PDLIM3: variants seen among roughly 807,000 people sequenced by gnomAD.
PDLIM3 encodes the protein PDZ and LIM domain protein 3.
A neutral mutation model predicts 37.3 loss-of-function variants in PDLIM3; 36 were observed. The ratio of observed to expected loss-of-function variants is 0.97; its 90% CI spans 0.74 to 1.28. PDLIM3 has a LOEUF of 1.28. PDLIM3 is among the 50% of genes most tolerant of loss of function. The probability of loss-of-function intolerance (pLI) is 0.00; values close to 1 mark genes in which losing one functional copy is unlikely to be tolerated. For missense variants in PDLIM3, 454 were observed against 485.0 expected (o/e 0.94, Z 0.60); for synonymous variants, 174 against 182.4 (o/e 0.95, Z 0.37).
At chr4:185,509,416 C>A (rs2095703181) in intron 4 of PDLIM3, among the ~76,000 whole-genome samples, 1 of 152,120 alleles carries the variant, frequency 6.6e-6, no homozygotes, top group Non-Finnish European at 1.5e-5. Flanking sequence ...AGGCATATTT[C>A]CCTTTTCCTT....
chr4:185,525,058 A>G lies in PDLIM3; in HGVS notation c.207T>C (p.Ile69=), dbSNP rs1440352899. 6.2e-7 allele frequency: 1 copy of G among 1,614,158 alleles called. No individual in the cohort carries two copies. The highest frequency in any genetic ancestry group is 2.2e-5 in the East Asian group (1 of 44,882). ...SMTHADAQDR[I]KAAAHQLCLK... ...GACACAGCTGGTGAGCTGCTGCTTT[A>G]ATCCTGTCCTGCGCATCAGCATGAG... Residue 69 remains isoleucine (I), a synonymous_variant, in exon 2 of 8, where the codon ATT becomes ATC. Coordinates refer to ENST00000284767, the MANE Select transcript of PDLIM3 (RefSeq NM_014476.6).
chr4:185,510,024 T>G (rs2095704143), intron 4 of PDLIM3, among the ~76,000 whole-genome samples: 1 of 152,198 alleles, frequency 6.6e-6, no homozygotes, highest in Admixed American at 6.5e-5. Flanking sequence ...TGAGAACCTA[T>G]TGAAAACCCA....
chr4:185,514,691 C>G lies in PDLIM3; in HGVS notation c.331-354G>C. On this transcript the variant is annotated intron_variant, in intron 3 of 7. Transcript: ENST00000284767. This position sits in a 1 kb window ranked among gnomAD's most constrained non-coding sequence, Gnocchi z 4.0. ...TAGGTACACTGTGGCCAGAACAGAG[C>G]CGGATACTTACTTTTGAGGTGAGCT... The G allele has an allele frequency of 1.3e-6, 2 of 1,550,526 alleles. No individual in the cohort carries two copies. Among genetic ancestry groups the G allele is most frequent in the Admixed American group, 3.9e-5 (2 of 50,924 alleles).
At position 185,514,078 on chromosome 4, in the gene PDLIM3, T is replaced by C; in HGVS notation, c.398+192A>G. ...TTTCACAGCTCTGTCATCTTGTCAA[T>C]ATTTACTCTTGGAAATGCAAGTTAT... On this transcript the variant is annotated intron_variant, in intron 4 of 7. Coordinates refer to ENST00000284767, the MANE Select transcript of PDLIM3 (RefSeq NM_014476.6). The surrounding 1 kb of genome is among the most constrained non-coding windows in gnomAD (Gnocchi z 4.0). 8.1e-6 allele frequency: 12 copies of C among 1,482,844 alleles called. No homozygotes were observed. The highest frequency in any genetic ancestry group is 1.1e-5 in the Non-Finnish European group (12 of 1,121,100). The allele number at this position is 1,482,844 out of a possible 1,614,324, so 91.9% of individuals were successfully genotyped here.
chr4:185,528,974 C>G (rs1475731427), intron 1 of PDLIM3, among the ~76,000 whole-genome samples: 1 of 152,142 alleles, frequency 6.6e-6, no homozygotes, highest in African/African-American at 2.4e-5. Context: ...TTAGCATGCA[C>G]AGTTTATTAC....
At chr4:185,526,220 G>T (rs1442779714) in intron 1 of PDLIM3, among the ~76,000 whole-genome samples, 1 of 152,230 alleles carries the variant, frequency 6.6e-6, no homozygotes, top group Non-Finnish European at 1.5e-5. Flanking sequence ...GAGTTAACAT[G>T]AGCGTACAGA....
At position 185,502,120 on chromosome 4, in the gene PDLIM3, C is replaced by T; in HGVS notation, c.*174G>A. The T allele has an allele frequency of 1.4e-6, 1 of 694,284 alleles. No individual in the cohort carries two copies. Among genetic ancestry groups the T allele is most frequent in the Non-Finnish European group, 2.6e-6 (1 of 391,672 alleles). The allele number at this position is 694,284 out of a possible 1,614,324, so 43.0% of individuals were successfully genotyped here. On this transcript the variant is annotated 3_prime_UTR_variant, in exon 8 of 8. Coordinates refer to ENST00000284767, the MANE Select transcript of PDLIM3 (RefSeq NM_014476.6). ...CTAAGTGTATGTTTTTTTCACATAG[C>T]AGGCATTTGCCTCCCATTCCTTTTC...
rs2095711617 is a variant in PDLIM3 at position 185,514,463 on chromosome 4, C to T, written c.331-126G>A. 1.3e-6 allele frequency: 2 copies of T among 1,568,202 alleles called. No homozygotes were observed. The highest frequency in any genetic ancestry group is 8.7e-7 in the Non-Finnish European group (1 of 1,147,144). Reference sequence around the variant, plus strand: ...CAACTACTGTCATAACTAAGAAAGGCGATGACGGGACCAGGACGATGTCTT... The same window carrying T: ...CAACTACTGTCATAACTAAGAAAGGTGATGACGGGACCAGGACGATGTCTT... On this transcript the variant is annotated intron_variant, in intron 3 of 7. Transcript: ENST00000284767. The surrounding 1 kb of genome is among the most constrained non-coding windows in gnomAD (Gnocchi z 4.0).
chr4:185,523,983 T>C (rs1477623672), intron 2 of PDLIM3, among the ~76,000 whole-genome samples: 4 of 150,790 alleles, frequency 2.7e-5, no homozygotes, highest in Non-Finnish European at 4.4e-5. Flanking sequence ...TGGAGTACAC[T>C]GCACAGTTTC....
chr4:185,518,448 CATAT>C (rs1196815124), intron 3 of PDLIM3, among the ~76,000 whole-genome samples: 1 of 151,438 alleles, frequency 6.6e-6, no homozygotes, highest in African/African-American at 2.4e-5. Context: ...TATGTATACA[CATAT>C]ATATTTATAT....
Position 185,508,508 on chromosome 4 carries a change from A to G in PDLIM3, c.453T>C (p.Ser151=), listed in dbSNP as rs746673857. 6.2e-7 allele frequency: 1 copy of G among 1,614,210 alleles called. No individual in the cohort carries two copies. ...IDCGSGRSTP[S]SVSTVSTICP... is the part of the protein sequence containing the mutation. ...AAATGGTACTAACAGTACTGACAGA[A>G]GAAGGGGTGCTGCGTCCACTGCCAC... Residue 151 remains serine, a synonymous_variant, in exon 5 of 8, where the codon TCT becomes TCC. Transcript: ENST00000284767.
At chr4:185,532,075 G>A (rs1471668594) in intron 1 of PDLIM3, among the ~76,000 whole-genome samples, 1 of 152,188 alleles carries the variant, frequency 6.6e-6, no homozygotes, top group Non-Finnish European at 1.5e-5. Context: ...TCCAGCCTGG[G>A]AGACAGAGCG....
chr4:185,532,520 G>A (rs1254465629), intron 1 of PDLIM3, among the ~76,000 whole-genome samples: 1 of 152,160 alleles, frequency 6.6e-6, no homozygotes, highest in African/African-American at 2.4e-5. Flanking sequence ...GTGGTGTGGG[G>A]AAAAATGGTA....
chr4:185,526,869 C>T (rs2095735166), intron 1 of PDLIM3, among the ~76,000 whole-genome samples: 1 of 152,218 alleles, frequency 6.6e-6, no homozygotes, highest in South Asian at 2.1e-4. Flanking sequence ...AAATGCTGCA[C>T]TCTCAGAAAG....
rs1047184213 is a variant in PDLIM3 at position 185,504,025 on chromosome 4, T to C, written c.905+450A>G. 2.1e-5 allele frequency among the ~76,000 whole-genome samples: 3 copies of C among 140,564 alleles called. No individual in the cohort carries two copies. The highest frequency in any genetic ancestry group is 7.4e-5 in the Admixed American group (1 of 13,522). The allele number at this position is 140,564 out of a possible 152,430, so 92.2% of individuals were successfully genotyped here. A position where few individuals can be genotyped will look rare whatever the true frequency, so the allele number is the denominator to read the frequency against. ...GTTTCAACATTTGTGTAACTTACACTGGGTAAGGATAATGTATTTTAAGTA... is the reference window on the plus strand; with the variant it reads ...GTTTCAACATTTGTGTAACTTACACCGGGTAAGGATAATGTATTTTAAGTA... On this transcript the variant is annotated intron_variant, in intron 7 of 7. Coordinates refer to ENST00000284767, the MANE Select transcript of PDLIM3 (RefSeq NM_014476.6). This position sits in a 1 kb window ranked among gnomAD's most constrained non-coding sequence, Gnocchi z 4.7.
chr4:185,525,191 T>A lies in PDLIM3; in HGVS notation c.94-20A>T. 6.2e-7 allele frequency: 1 copy of A among 1,613,586 alleles called. No individual in the cohort carries two copies. Among genetic ancestry groups the A allele is most frequent in the Non-Finnish European group, 8.5e-7 (1 of 1,179,816 alleles). On this transcript the variant is annotated intron_variant, in intron 1 of 7. Coordinates refer to ENST00000284767, the MANE Select transcript of PDLIM3 (RefSeq NM_014476.6). Reference sequence around the variant, plus strand: ...TGTAATCTGGAAGAAATCATGGCACTATTTAAAAACCAACATCCCGCAGTA... The same window carrying A: ...TGTAATCTGGAAGAAATCATGGCACAATTTAAAAACCAACATCCCGCAGTA...
intron 4 of PDLIM3, chr4:185,512,763 G>T (rs2095708596): frequency 5.1e-6 from 5 of 984,580 alleles, no homozygotes; most frequent in Non-Finnish European, 6.0e-6. Flanking sequence ...TGCTTCTTTG[G>T]GAAGTTGTAT....
Position 185,506,738 on chromosome 4 carries a change from T to C in PDLIM3, c.663-86A>G, listed in dbSNP as rs969415405. ...GGCCAGAGACATCAATACTCAGCCATTACTCTATGCACAGCCACTCCTGAA... is the reference window on the plus strand; with the variant it reads ...GGCCAGAGACATCAATACTCAGCCACTACTCTATGCACAGCCACTCCTGAA... On this transcript the variant is annotated intron_variant, in intron 5 of 7. Coordinates refer to ENST00000284767, the MANE Select transcript of PDLIM3 (RefSeq NM_014476.6). 15 of 1,298,236 alleles carry C rather than the reference T, an allele frequency of 1.2e-5. No individual in the cohort carries two copies. The African/African-American group carries it at 1.9e-4, about 16-fold the overall frequency. The allele number at this position is 1,298,236 out of a possible 1,614,324, so 80.4% of individuals were successfully genotyped here.
At chr4:185,533,694 T>C (rs988324416) in intron 1 of PDLIM3, among the ~76,000 whole-genome samples, 13 of 152,198 alleles carry the variant, frequency 8.5e-5, no homozygotes, top group African/African-American at 3.1e-4. Flanking sequence ...TACCAATAGC[T>C]ATTGTAGTCC....
Sources: allele counts gnomAD v4.1 joint callset (sites outside exome capture counted in the v4.1 genomes callset), GRCh38; gene constraint gnomAD v4.1.1; non-coding constraint Gnocchi (gnomAD v3.1); transcripts MANE v1.5; gene names NCBI Gene and HGNC (gene_info 2026-07-23, HGNC 2026-07-21).